Variants in ZNF678 observed in about 807,000 individuals in gnomAD.
ZNF678 encodes zinc finger protein 678, also known as hypothetical protein MGC42493.
A neutral mutation model predicts 3.0 loss-of-function variants in ZNF678; 5 were observed. The ratio of observed to expected loss-of-function variants is 1.69; its 90% CI spans 0.88 to 3.56. The LOEUF (loss-of-function observed/expected upper bound fraction) is 3.56, where lower values mean the gene tolerates loss of function less well. Among genes scored for constraint, ZNF678 ranks in the 30% most tolerant of loss-of-function variants. The pLI is 0.00. For missense variants in ZNF678, 593 were observed against 605.0 expected (o/e 0.98, Z 0.21); for synonymous variants, 218 against 199.6 (o/e 1.09, Z -0.78).
intron 1 of ZNF678, among the ~76,000 whole-genome samples, chr1:227,610,417 G>A (rs767852895): frequency 3.3e-5 from 5 of 152,104 alleles, no homozygotes; most frequent in Admixed American, 6.5e-5. Flanking sequence ...TTTTAAATCC[G>A]GAAGTGTGTG....
intron 3 of ZNF678, among the ~76,000 whole-genome samples, chr1:227,652,001 A>G (rs1032255252): frequency 2.0e-5 from 3 of 152,132 alleles, no homozygotes; most frequent in African/African-American, 7.2e-5. Context: ...TTCACTTTCC[A>G]TTTAGTTTTC....
At chr1:227,675,578 G>A (rs1483114853) in intron 5 of ZNF678, among the ~76,000 whole-genome samples, 1 of 151,954 alleles carries the variant, frequency 6.6e-6, no homozygotes, top group African/African-American at 2.4e-5. Context: ...ATGTTTTGTT[G>A]AACTGCAAAG....
At chr1:227,607,724 A>G (rs543701649) in intron 1 of ZNF678, among the ~76,000 whole-genome samples, 10 of 146,732 alleles carry the variant, frequency 6.8e-5, no homozygotes, top group Non-Finnish European at 1.0e-4. Context: ...ATTTTATAAT[A>G]TGTATTTTAT....
chr1:227,610,709 G>T (rs1571885054), intron 1 of ZNF678, among the ~76,000 whole-genome samples: 1 of 152,116 alleles, frequency 6.6e-6, no homozygotes, highest in African/African-American at 2.4e-5. Flanking sequence ...CAAGTCTTTT[G>T]TACTGATGAC....
At chr1:227,669,692 T>C (rs1327374429) in intron 5 of ZNF678, among the ~76,000 whole-genome samples, 1 of 151,110 alleles carries the variant, frequency 6.6e-6, no homozygotes, top group Non-Finnish European at 1.5e-5. Context: ...ATAGCTATTA[T>C]CAAAAATACA....
At chr1:227,583,807 A>G (rs994473495) in intron 1 of ZNF678, among the ~76,000 whole-genome samples, 3 of 152,166 alleles carry the variant, frequency 2.0e-5, no homozygotes, top group Middle Eastern at 3.2e-3. Context: ...CTTGGTGTCC[A>G]AAGTATTTTG....
chr1:227,672,968 A>G (rs1047519546), intron 5 of ZNF678, among the ~76,000 whole-genome samples: 1 of 152,108 alleles, frequency 6.6e-6, no homozygotes, highest in Non-Finnish European at 1.5e-5. Flanking sequence ...GTTTCTGATT[A>G]TTGACCATTT....
intron 1 of ZNF678, among the ~76,000 whole-genome samples, chr1:227,622,283 A>G (rs1213474088): frequency 1.3e-5 from 2 of 152,266 alleles, no homozygotes; most frequent in Admixed American, 1.3e-4. Context: ...ATTCTTTCCA[A>G]CAATTGCCAA....
intron 1 of ZNF678, among the ~76,000 whole-genome samples, chr1:227,565,436 A>G (rs1275126713): frequency 6.6e-6 from 1 of 152,148 alleles, no homozygotes; most frequent in Non-Finnish European, 1.5e-5. Flanking sequence ...AGCTCACTGA[A>G]GCCTCCAACT....
chr1:227,572,919 G>C (rs1558128609), intron 1 of ZNF678, among the ~76,000 whole-genome samples: 1 of 152,340 alleles, frequency 6.6e-6, no homozygotes, highest in East Asian at 1.9e-4. Context: ...ACTGCCTGGC[G>C]GTCCTTATCT....
intron 1 of ZNF678, among the ~76,000 whole-genome samples, chr1:227,565,903 C>T (rs1280612490): frequency 2.0e-5 from 3 of 152,194 alleles, no homozygotes; most frequent in Non-Finnish European, 4.4e-5. Flanking sequence ...ACTGCAGGAG[C>T]CCGCCACCAT....
chr1:227,610,761 C>G lies in ZNF678; in HGVS notation c.-163-35783C>G, dbSNP rs11579074. On this transcript the variant is annotated intron_variant, in intron 1 of 3. Coordinates refer to ENST00000343776, the MANE Select transcript of ZNF678 (RefSeq NM_001367909.1). ...AAACCGGTACAGCTTTCCAACCCCCCTAAGGTGATCAACACCCTATAATAT... is the reference window on the plus strand; with the variant it reads ...AAACCGGTACAGCTTTCCAACCCCCGTAAGGTGATCAACACCCTATAATAT... 2.6e-5 allele frequency among the ~76,000 whole-genome samples: 4 copies of G among 152,302 alleles called. No individual in the cohort carries two copies. The South Asian group carries it at 8.3e-4, about 32-fold the overall frequency.
At chr1:227,605,463 G>T (rs1359485216) in intron 1 of ZNF678, among the ~76,000 whole-genome samples, 1 of 152,062 alleles carries the variant, frequency 6.6e-6, no homozygotes, top group Non-Finnish European at 1.5e-5. Context: ...AATTTTCCAG[G>T]ACAATATTTA....
At chr1:227,566,978 A>G (rs922061526) in intron 1 of ZNF678, among the ~76,000 whole-genome samples, 1 of 152,216 alleles carries the variant, frequency 6.6e-6, no homozygotes, top group African/African-American at 2.4e-5. Flanking sequence ...TTCACAAGAC[A>G]GTATGGTAGA....
rs1659238384 is a variant in ZNF678 at position 227,655,964 on chromosome 1, A to G, written c.*136A>G. 3.3e-6 allele frequency: 2 copies of G among 611,322 alleles called. No homozygotes were observed. The highest frequency in any genetic ancestry group is 1.9e-5 in the African/African-American group (1 of 52,534). 37.9% of individuals were successfully genotyped at this position (611,322 alleles called of 1,614,324 possible). ...ACTATACTGAATGAAATTTATAAAT[A>G]TAAAAGATTACAATATCTTTATTTC... On this transcript the variant is annotated 3_prime_UTR_variant, in exon 4 of 4. Transcript: ENST00000343776.
chr1:227,652,685 A>G (rs1368570309), intron 3 of ZNF678, among the ~76,000 whole-genome samples: 2 of 152,100 alleles, frequency 1.3e-5, no homozygotes, highest in Non-Finnish European at 2.9e-5. Context: ...CCTAAACTTC[A>G]TATTATTGAT....
chr1:227,598,795 C>A, intron 1 of ZNF678: 1 of 549,054 alleles, frequency 1.8e-6, no homozygotes, highest in South Asian at 1.7e-5. Context: ...TTCTTATCCT[C>A]ATTTTCACAA....
At chr1:227,671,459 T>C (rs952090345) in intron 5 of ZNF678, among the ~76,000 whole-genome samples, 4 of 152,178 alleles carry the variant, frequency 2.6e-5, no homozygotes, top group Non-Finnish European at 5.9e-5. Context: ...AGGGCTGAAT[T>C]TTTTTTCATG....
intron 1 of ZNF678, among the ~76,000 whole-genome samples, chr1:227,609,770 G>A (rs1657968351): frequency 2.7e-5 from 4 of 150,172 alleles, no homozygotes; most frequent in Admixed American, 2.7e-4. Context: ...GCCTCACTCC[G>A]TCACCCAGGC....
Sources: gnomAD v4.1 joint callset for allele counts (sites outside exome capture counted in the v4.1 genomes callset) on GRCh38, gnomAD v4.1.1 for gene constraint, MANE v1.5 for transcripts, NCBI Gene and HGNC (gene_info 2026-07-23, HGNC 2026-07-21) for gene names.